SYNE2: variants seen among roughly 807,000 people sequenced by gnomAD.
SYNE2 encodes the protein nesprin-2.
Under a neutral mutation model 856.3 loss-of-function variants are expected in SYNE2, and 431 were observed. The ratio of observed to expected loss-of-function variants is 0.50; its 90% CI spans 0.47 to 0.55. SYNE2 has a LOEUF of 0.55. SYNE2 is among the 20% of genes least tolerant of loss of function. SYNE2 has a pLI of 0.00. For synonymous variants in SYNE2, 2,923 were observed against 2,872.3 expected (o/e 1.02, Z -0.56); for missense variants, 8,129 against 8,023.2 (o/e 1.01, Z -0.50).
intron 1 of SYNE2, among the ~76,000 whole-genome samples, chr14:63,890,050 T>G (rs2095092535): frequency 8.5e-6 from 1 of 117,432 alleles, no homozygotes; most frequent in Admixed American, 1.2e-4. Flanking sequence ...TCTTTCTTTC[T>G]TTCTTTTTTT....
chr14:64,116,360 T>G (rs2097853844), intron 66 of SYNE2, among the ~76,000 whole-genome samples: 1 of 152,202 alleles, frequency 6.6e-6, no homozygotes, highest in Non-Finnish European at 1.5e-5. Context: ...TCTAATTGGC[T>G]CAATGTTTTG....
At chr14:63,991,647 G>A (rs1477317398) in intron 21 of SYNE2, among the ~76,000 whole-genome samples, 2 of 152,188 alleles carry the variant, frequency 1.3e-5, no homozygotes, top group South Asian at 2.1e-4. Flanking sequence ...GATAGGCTGA[G>A]GTTGCAGCTT....
At chr14:63,812,127 G>T (rs773205491) in intron 1 of SYNE2, among the ~76,000 whole-genome samples, 1 of 152,128 alleles carries the variant, frequency 6.6e-6, no homozygotes, top group Non-Finnish European at 1.5e-5. Context: ...GGAGACCAGG[G>T]TGTATTTCAG....
rs1273427747 is a variant in SYNE2, at chr14:64,165,515, C to CTTTTTT, written c.16605+107_16605+108insTTTTTT. 7.0e-5 allele frequency: 90 copies of CTTTTTT among 1,289,160 alleles called. No individual in the cohort carries two copies. The African/African-American group carries it at 1.4e-3, about 20-fold the overall frequency. 79.9% of individuals were successfully genotyped at this position (1,289,160 alleles called of 1,614,324 possible). The stretch of plus-strand genomic sequence containing the variant: ...TGGAATGCTTGCATCCTAACTCACT[C>CTTTTTT]TTATTTTTTTTTTTTGAGACGGACT... On this transcript the variant is annotated intron_variant, in intron 90 of 115. Transcript: ENST00000555002.
intron 64 of SYNE2, among the ~76,000 whole-genome samples, chr14:64,104,869 C>G (rs2097761100): frequency 6.6e-6 from 1 of 152,164 alleles, no homozygotes; most frequent in Non-Finnish European, 1.5e-5. Flanking sequence ...TAAATCTATT[C>G]CACATTTCTA....
intron 63 of SYNE2, 109 bp downstream of exon 63, chr14:64,098,930 T>G: frequency 2.7e-6 from 3 of 1,092,890 alleles, no homozygotes; most frequent in Non-Finnish European, 4.1e-6. Context: ...AAAATTAATG[T>G]TGATATTTTA....
chr14:64,056,873 T>C (rs1298633325), intron 49 of SYNE2, among the ~76,000 whole-genome samples: 1 of 152,182 alleles, frequency 6.6e-6, no homozygotes, highest in Non-Finnish European at 1.5e-5. Context: ...GATTTCTCCA[T>C]GTTGGTCAGG....
At chr14:63,841,010 G>A (rs1482113056) in intron 1 of SYNE2, among the ~76,000 whole-genome samples, 1 of 151,540 alleles carries the variant, frequency 6.6e-6, no homozygotes, top group Non-Finnish European at 1.5e-5. Context: ...GCAAAACTCT[G>A]TCTCAAAAAC....
At chr14:64,075,020 C>T (rs2097446632) in intron 53 of SYNE2, among the ~76,000 whole-genome samples, 1 of 152,012 alleles carries the variant, frequency 6.6e-6, no homozygotes, top group African/African-American at 2.4e-5. Flanking sequence ...GTAGATAAAA[C>T]GGGATGACAC....
intron 1 of SYNE2, among the ~76,000 whole-genome samples, chr14:63,778,445 T>C (rs11844681): frequency 7.2e-4 from 109 of 152,342 alleles, no homozygotes; most frequent in African/African-American, 2.5e-3. Flanking sequence ...ACTATATGCA[T>C]ATGTGAAAAC....
Position 64,081,590 on chromosome 14 carries a change from C to G in SYNE2, c.11484+10C>G, listed in dbSNP as rs762099026. 3 of 1,613,756 alleles carry G rather than the reference C, an allele frequency of 1.9e-6. No individual in the cohort carries two copies. The South Asian group carries it at 3.3e-5, about 18-fold the overall frequency. On this transcript the variant is annotated intron_variant, in intron 57 of 115. Transcript: ENST00000555002. ...TGCTAGCACTGTGCAGGTAAGTGTT[C>G]TTCCAGGTTTTCTGCCACTCATAGC...
At chr14:64,189,268 A>C (rs997152841) in intron 98 of SYNE2, among the ~76,000 whole-genome samples, 3 of 151,540 alleles carry the variant, frequency 2.0e-5, no homozygotes, top group African/African-American at 7.3e-5. Context: ...TGGGAGGTGG[A>C]GGTTGCAGTG....
chr14:64,216,237 T>C lies in SYNE2; in HGVS notation c.19403-11T>C, dbSNP rs2098665894. ...AGAGAATAGACTGTCGCTTGCTGTC[T>C]TTCGTTTCAGGTAAATCCATTTCGG... is the stretch of plus-strand genomic sequence containing the variant. On this transcript the variant is annotated splice_polypyrimidine_tract_variant and intron_variant, in intron 107 of 115. Transcript: ENST00000555002. The C allele has an allele frequency of 3.1e-6, 5 of 1,614,150 alleles. No individual in the cohort carries two copies. Among genetic ancestry groups the C allele is most frequent in the African/African-American group, 1.3e-5 (1 of 75,062 alleles).
intron 2 of SYNE2, among the ~76,000 whole-genome samples, chr14:63,917,082 C>T (rs939875196): frequency 7.2e-5 from 11 of 151,982 alleles, no homozygotes; most frequent in Non-Finnish European, 1.5e-4. Flanking sequence ...GAGTGAGACC[C>T]TGTCTTTAAA....
At chr14:63,944,521 T>C (rs1268120703) in intron 6 of SYNE2, among the ~76,000 whole-genome samples, 3 of 129,570 alleles carry the variant, frequency 2.3e-5, no homozygotes, top group East Asian at 4.2e-4. Context: ...GCCTTTCTTT[T>C]TTTTTTTTTT....
rs370650734 is a variant in SYNE2, at chr14:64,158,328, C to T, written c.15793-297C>T. On this transcript the variant is annotated intron_variant, in intron 85 of 115. Transcript: ENST00000555002. ...GCTAATAGAATATAACTGAACCTTG[C>T]ACTCACAAATTCTAATACTCACCCA... Among the ~76,000 whole-genome samples, 26 of 152,310 alleles carry T rather than the reference C, an allele frequency of 1.7e-4. 1 individual carries two copies. Among genetic ancestry groups the T allele is most frequent in the Middle Eastern group, 3.4e-3 (1 of 294 alleles).
intron 45 of SYNE2, among the ~76,000 whole-genome samples, chr14:64,034,184 A>G (rs905074050): frequency 3.2e-4 from 48 of 152,342 alleles, no homozygotes; most frequent in Admixed American, 2.9e-3. Flanking sequence ...CGTAGGACAC[A>G]TAAAGGCACA....
chr14:63,897,912 G>A (rs2095279132), intron 1 of SYNE2, among the ~76,000 whole-genome samples: 1 of 152,152 alleles, frequency 6.6e-6, no homozygotes, highest in African/African-American at 2.4e-5. Flanking sequence ...CCTACCCAGA[G>A]GAACAGCGAG....
chr14:63,990,691 G>C (rs991210408), intron 20 of SYNE2, 122 bp downstream of exon 20: 4 of 923,696 alleles, frequency 4.3e-6, no homozygotes, highest in African/African-American at 1.7e-5. Context: ...TATTACTTTT[G>C]CATTATGTTT....
Sources: gnomAD v4.1 joint callset for allele counts (sites outside exome capture counted in the v4.1 genomes callset) on GRCh38, gnomAD v4.1.1 for gene constraint, MANE v1.5 for transcripts, NCBI Gene and HGNC (gene_info 2026-07-23, HGNC 2026-07-21) for gene names.